The following FOXP1 variants were observed in gnomAD, a reference collection of about 807,000 sequenced individuals.
The protein encoded by FOXP1 is forkhead box protein P1.
Under a neutral mutation model 98.2 loss-of-function variants are expected in FOXP1, and 15 were observed. The observed-to-expected ratio is 0.15, with a 90% CI of 0.10 to 0.24. FOXP1 has a LOEUF of 0.24. FOXP1 is among the 10% of genes least tolerant of loss of function. The pLI, the probability that FOXP1 is intolerant of heterozygous loss-of-function variation, is 1.00. For missense variants in FOXP1, 633 were observed against 848.5 expected, an observed-to-expected ratio of 0.75 and a Z score of 3.15; for synonymous variants, 371 against 314.5, an observed-to-expected ratio of 1.18 and a Z score of -1.90.
chr3:71,476,228 T>C (rs1267141645), intron 3 of FOXP1, among the ~76,000 whole-genome samples: 1 of 152,200 alleles, frequency 6.6e-6, no homozygotes, highest in Non-Finnish European at 1.5e-5. Flanking sequence ...GTGTTTATAG[T>C]GGATGAAAGG....
In FOXP1 at chr3:71,559,478, C is replaced by G. The variant is rs555986699; in HGVS notation, c.-298+22071G>C. ...CTCCCCTCACCCGCTAATCTAACTC[C>G]AGGGTAGGCAATAAAGCAAGAATGG... On this transcript the variant is annotated intron_variant, in intron 2 of 20. Coordinates refer to ENST00000649528, the MANE Select transcript of FOXP1 (RefSeq NM_001349338.3). 8.5e-5 allele frequency among the ~76,000 whole-genome samples: 13 copies of G among 152,292 alleles called. No homozygotes were observed. In the South Asian group the frequency reaches 2.7e-3, roughly 32 times the overall value.
intron 6 of FOXP1, among the ~76,000 whole-genome samples, chr3:71,143,276 G>C (rs958339729): frequency 2.6e-5 from 4 of 152,046 alleles, no homozygotes; most frequent in Admixed American, 1.3e-4. Context: ...ATTGTCCTTG[G>C]CTAGAAAAGA....
intron 17 of FOXP1, among the ~76,000 whole-genome samples, chr3:70,972,889 G>T (rs564681149): frequency 2.6e-5 from 4 of 151,976 alleles, no homozygotes; most frequent in African/African-American, 9.7e-5. Flanking sequence ...TGGCATTTTC[G>T]TCTAGTCTCT....
At chr3:71,240,962 G>A (rs1484395585) in intron 5 of FOXP1, among the ~76,000 whole-genome samples, 2 of 151,828 alleles carry the variant, frequency 1.3e-5, no homozygotes, top group African/African-American at 4.8e-5. Context: ...TGTAATCCCA[G>A]CACTTTGGGA....
At chr3:71,302,860 G>A (rs1234555759) in intron 4 of FOXP1, 1 of 152,022 alleles carries the variant, frequency 6.6e-6, no homozygotes, top group Non-Finnish European at 1.5e-5. Context: ...CGAACTCTAG[G>A]GTGAGACACT....
chr3:70,978,206 C>T (rs912002841), intron 14 of FOXP1, among the ~76,000 whole-genome samples, 177 bp from the exon 15 acceptor site: 1 of 152,156 alleles, frequency 6.6e-6, no homozygotes, highest in Non-Finnish European at 1.5e-5. Context: ...ACTTAGGATG[C>T]AGTGTAAGAT....
chr3:71,164,997 A>G (rs1169472706), intron 6 of FOXP1, among the ~76,000 whole-genome samples: 1 of 152,198 alleles, frequency 6.6e-6, no homozygotes, highest in African/African-American at 2.4e-5. Context: ...AAACAAATTT[A>G]CATAGCCTTT....
chr3:71,371,741 A>G (rs898995545), intron 3 of FOXP1, among the ~76,000 whole-genome samples: 7 of 152,142 alleles, frequency 4.6e-5, no homozygotes, highest in Non-Finnish European at 8.8e-5. Context: ...GGGAGCTACA[A>G]TTGCATCACT....
intron 12 of FOXP1, among the ~76,000 whole-genome samples, chr3:71,012,981 G>C (rs1267955697): frequency 1.3e-5 from 2 of 152,142 alleles, no homozygotes; most frequent in Admixed American, 6.5e-5. Context: ...TAATGATTCA[G>C]TGATATTATG....
intron 4 of FOXP1, among the ~76,000 whole-genome samples, chr3:71,347,761 T>C (rs1183587604): frequency 6.6e-6 from 1 of 151,978 alleles, no homozygotes; most frequent in Non-Finnish European, 1.5e-5. Context: ...GACCCATGCC[T>C]GTAATTCCAG....
rs921265851 is a variant in FOXP1, at chr3:71,102,193, T to C, written c.282+10343A>G. Among the ~76,000 whole-genome samples the C allele has an allele frequency of 6.6e-5, 10 of 152,196 alleles. No homozygotes were observed. The East Asian group carries it at 1.5e-3, about 23-fold the overall frequency. On this transcript the variant is annotated intron_variant, in intron 7 of 20. Transcript: ENST00000649528. The stretch of plus-strand genomic sequence containing the variant: ...CTAAATATGACAACCATCTGATGTA[T>C]GAAAATTATTCACAACCAAAAACAG...
intron 3 of FOXP1, among the ~76,000 whole-genome samples, chr3:71,490,156 A>G (rs572019406): frequency 6.6e-6 from 1 of 152,300 alleles, no homozygotes; most frequent in South Asian, 2.1e-4. Flanking sequence ...ACTGCAGCAC[A>G]GAGGAAGAGA....
At chr3:71,031,887 T>C (rs1030320134) in intron 11 of FOXP1, among the ~76,000 whole-genome samples, 20 of 152,238 alleles carry the variant, frequency 1.3e-4, no homozygotes, top group Admixed American at 8.5e-4. Context: ...TGTGTGTTTT[T>C]AACTGACTTT....
chr3:71,294,880 A>G (rs979677410), intron 5 of FOXP1, among the ~76,000 whole-genome samples: 16 of 152,220 alleles, frequency 1.1e-4, no homozygotes, highest in Non-Finnish European at 2.4e-4. Context: ...ACATCTCCAT[A>G]GTGCGGCAAC....
intron 6 of FOXP1, among the ~76,000 whole-genome samples, chr3:71,192,261 C>T (rs1289375686): frequency 3.9e-5 from 6 of 152,158 alleles, no homozygotes; most frequent in Admixed American, 1.3e-4. Flanking sequence ...TAGAATGGTA[C>T]GGCCAATCCA....
chr3:71,326,041 T>A (rs1427708087), intron 4 of FOXP1, among the ~76,000 whole-genome samples: 4 of 152,104 alleles, frequency 2.6e-5, no homozygotes, highest in African/African-American at 9.7e-5. Context: ...TTATTTGGCG[T>A]GCATATTACT....
In FOXP1 at chr3:71,397,182, C is replaced by T. The variant is rs549273922; in HGVS notation, c.-167-37938G>A. Among the ~76,000 whole-genome samples, 47 of 148,120 alleles carry T rather than the reference C, an allele frequency of 3.2e-4. 1 individual carries two copies. The highest frequency in any genetic ancestry group is 3.5e-3 in the Middle Eastern group (1 of 286). Reference sequence around the variant, plus strand: ...GGGTTGGAAGCACGTGTACCTTTCCCACTTTATATTTTAAATTGTCTAAGC... The same window carrying T: ...GGGTTGGAAGCACGTGTACCTTTCCTACTTTATATTTTAAATTGTCTAAGC... On this transcript the variant is annotated intron_variant, in intron 3 of 20. Transcript: ENST00000649528.
At chr3:71,338,937 A>G (rs531736131) in intron 4 of FOXP1, among the ~76,000 whole-genome samples, 1 of 152,336 alleles carries the variant, frequency 6.6e-6, no homozygotes, top group Non-Finnish European at 1.5e-5. Context: ...AAAGATGCCT[A>G]TCTAGCAAAG....
At chr3:71,480,416 A>G (rs2090181688) in intron 3 of FOXP1, among the ~76,000 whole-genome samples, 1 of 152,236 alleles carries the variant, frequency 6.6e-6, no homozygotes, top group Non-Finnish European at 1.5e-5. Flanking sequence ...GTTTCAAGAG[A>G]CAATTTATAA....
Sources: allele counts gnomAD v4.1 joint callset (sites outside exome capture counted in the v4.1 genomes callset), GRCh38; gene constraint gnomAD v4.1.1; transcripts MANE v1.5; gene names NCBI Gene and HGNC (gene_info 2026-07-23, HGNC 2026-07-21).